Variants in MLPH observed in about 807,000 individuals in gnomAD.
MLPH encodes the protein melanophilin, also known as exophilin-3.
MLPH carries 51 observed loss-of-function variants against 72.1 expected under a neutral mutation model. The ratio of observed to expected loss-of-function variants is 0.71; its 90% CI spans 0.56 to 0.89. MLPH has a LOEUF of 0.89. Among genes scored for constraint, MLPH ranks in the 40% least tolerant of loss-of-function variants. The probability of loss-of-function intolerance (pLI) is 0.00; values close to 1 mark genes in which losing one functional copy is unlikely to be tolerated. For synonymous variants in MLPH, 301 were observed against 310.1 expected (o/e 0.97, Z 0.31); for missense variants, 743 against 759.9 (o/e 0.98, Z 0.26).
chr2:237,529,356 T>C (rs2080372301), intron 8 of MLPH, among the ~76,000 whole-genome samples: 2 of 152,224 alleles, frequency 1.3e-5, no homozygotes, highest in African/African-American at 4.8e-5. Context: ...TAGCAGGCTT[T>C]ATATAGGCAT....
In MLPH at chr2:237,545,406, C is replaced by T. The variant is rs1025627291; in HGVS notation, c.1540-1200C>T. 26 of 1,265,294 alleles carry T rather than the reference C, an allele frequency of 2.1e-5. No homozygotes were observed. In the African/African-American group the frequency reaches 3.4e-4, roughly 17 times the overall value. 78.4% of individuals were successfully genotyped at this position (1,265,294 alleles called of 1,614,324 possible). A position where few individuals can be genotyped will look rare whatever the true frequency, so the allele number is the denominator to read the frequency against. Reference sequence around the variant, plus strand: ...CTCATAGCCAGTTAGCCAGCTGTGCCTTTGTTGGGGTTCATTTTTGTTTAT... The same window carrying T: ...CTCATAGCCAGTTAGCCAGCTGTGCTTTTGTTGGGGTTCATTTTTGTTTAT... On this transcript the variant is annotated intron_variant, in intron 12 of 15. Coordinates refer to ENST00000264605, the MANE Select transcript of MLPH (RefSeq NM_024101.7).
intron 13 of MLPH, among the ~76,000 whole-genome samples, chr2:237,548,816 T>G (rs2080972288): frequency 6.6e-6 from 1 of 152,178 alleles, no homozygotes; most frequent in African/African-American, 2.4e-5. Flanking sequence ...GAGGCGGAGC[T>G]TGCAGTGAGC....
intron 4 of MLPH, among the ~76,000 whole-genome samples, chr2:237,514,098 C>G (rs75445491): frequency 0.026 from 3,883 of 152,198 alleles, 71 homozygotes; most frequent in South Asian, 0.079. Context: ...GATTATATAA[C>G]AAGGCCGGAC....
intron 15 of MLPH, 94 bp from the exon 16 acceptor site, chr2:237,553,472 A>G: frequency 2.6e-6 from 3 of 1,159,498 alleles, no homozygotes; most frequent in Non-Finnish European, 3.8e-6. Flanking sequence ...CCATGTACAC[A>G]CCTGTGTATT....
chr2:237,511,392 G>T, intron 4 of MLPH: 1 of 401,538 alleles, frequency 2.5e-6, no homozygotes, highest in Non-Finnish European at 4.7e-6. Flanking sequence ...GGTTATAAGT[G>T]TGAGCCACTG....
Position 237,510,224 on chromosome 2 carries a change from G to A in MLPH, c.111-350G>A. 2.8e-6 allele frequency: 1 copy of A among 361,716 alleles called. No individual in the cohort carries two copies. Among genetic ancestry groups the A allele is most frequent in the South Asian group, 2.4e-5 (1 of 42,332 alleles). 22.4% of individuals were successfully genotyped at this position (361,716 alleles called of 1,614,324 possible). ...TGATCAGGAAACACCATCTGGCTTT[G>A]CCCCCAGGATTCTGTGACTGCCCTG... On this transcript the variant is annotated intron_variant, in intron 2 of 15. Transcript: ENST00000264605. The surrounding 1 kb of genome is among the most constrained non-coding windows in gnomAD (Gnocchi z 4.4).
chr2:237,526,638 G>T (rs1199325990), intron 7 of MLPH, among the ~76,000 whole-genome samples: 1 of 152,198 alleles, frequency 6.6e-6, no homozygotes, highest in Non-Finnish European at 1.5e-5. Context: ...GAGGCAGTCT[G>T]GGGGAGAGGC....
chr2:237,539,276 G>A (rs1023200951), intron 9 of MLPH, among the ~76,000 whole-genome samples: 5 of 152,316 alleles, frequency 3.3e-5, no homozygotes, highest in East Asian at 1.9e-4. Context: ...TGGTCGAACC[G>A]GAGAGCAGCG....
chr2:237,515,483 G>A (rs1041409555), intron 4 of MLPH, among the ~76,000 whole-genome samples: 5 of 152,304 alleles, frequency 3.3e-5, no homozygotes, highest in Admixed American at 6.5e-5. Context: ...CCCCAGGCCC[G>A]AGAGATGAGG....
intron 12 of MLPH, among the ~76,000 whole-genome samples, chr2:237,544,417 C>T (rs145680124): frequency 0.27 from 5,519 of 20,550 alleles, 406 homozygotes; most frequent in African/African-American, 0.5. Context: ...AGTGGTGAGT[C>T]GGGGGACAGT....
intron 2 of MLPH, among the ~76,000 whole-genome samples, chr2:237,506,280 TA>T (rs2079769882): frequency 1.3e-5 from 2 of 152,230 alleles, no homozygotes; most frequent in Non-Finnish European, 2.9e-5. Context: ...ACAGTTTTTA[TA>T]AAAAATGAGA....
intron 7 of MLPH, among the ~76,000 whole-genome samples, chr2:237,527,175 G>A (rs936079900): frequency 2.0e-5 from 3 of 152,134 alleles, no homozygotes; most frequent in Non-Finnish European, 4.4e-5. Context: ...GCCAGGCAAG[G>A]TCCTCTTTTT....
At chr2:237,547,705 C>T (rs73999107) in intron 13 of MLPH, among the ~76,000 whole-genome samples, 9,206 of 97,912 alleles carry the variant, frequency 0.094, 159 homozygotes, top group African/African-American at 0.21. Context: ...AGGAGCTCCC[C>T]GTGTTTAGGT....
chr2:237,494,774 A>C (rs1370430397), intron 2 of MLPH, among the ~76,000 whole-genome samples: 1 of 152,216 alleles, frequency 6.6e-6, no homozygotes, highest in Non-Finnish European at 1.5e-5. Flanking sequence ...TGTTGGATAC[A>C]TACACTAGTC....
intron 14 of MLPH, among the ~76,000 whole-genome samples, chr2:237,551,602 T>C (rs56798455): frequency 0.051 from 7,695 of 152,242 alleles, 637 homozygotes; most frequent in African/African-American, 0.17. Flanking sequence ...TGCCCCCAGC[T>C]ACACAGCCAT....
At chr2:237,514,403 TA>T (rs1481590223) in intron 4 of MLPH, among the ~76,000 whole-genome samples, 1 of 152,188 alleles carries the variant, frequency 6.6e-6, no homozygotes, top group Non-Finnish European at 1.5e-5. Flanking sequence ...CCCAGCCAGA[TA>T]ATTTCTTTAT....
chr2:237,524,286 G>A (rs2080253060), intron 6 of MLPH, among the ~76,000 whole-genome samples: 1 of 131,164 alleles, frequency 7.6e-6, no homozygotes, highest in South Asian at 2.3e-4. Flanking sequence ...TTTTCTTAGA[G>A]GGACAGAACT....
Position 237,510,489 on chromosome 2 carries a change from G to C in MLPH, c.111-85G>C, listed in dbSNP as rs531072402. 10 of 1,167,694 alleles carry C rather than the reference G, an allele frequency of 8.6e-6. No individual in the cohort carries two copies. The East Asian group carries it at 9.9e-5, about 12-fold the overall frequency. 72.3% of individuals were successfully genotyped at this position (1,167,694 alleles called of 1,614,324 possible). On this transcript the variant is annotated intron_variant, in intron 2 of 15. Transcript: ENST00000264605. The surrounding 1 kb of genome is among the most constrained non-coding windows in gnomAD (Gnocchi z 4.4). ...TGTGTGTATGTGTCTGTGTCTGTGT[G>C]TGTGTGTATGTACGTGTACACACTT...
At position 237,547,693 on chromosome 2, in the gene MLPH, G is replaced by A. The variant is rs556157850; in HGVS notation, c.1617+1010G>A. Among the ~76,000 whole-genome samples, 827 of 100,032 alleles carry A rather than the reference G, an allele frequency of 8.3e-3. 6 individuals carry two copies. The highest frequency in any genetic ancestry group is 0.035 in the African/African-American group (752 of 21,250). The allele number at this position is 100,032 out of a possible 152,430, so 65.6% of individuals were successfully genotyped here. A position where few individuals can be genotyped will look rare whatever the true frequency, so the allele number is the denominator to read the frequency against. ...ACAGAGGGCAGAGCCAGCCTGGGAG[G>A]GAGGAGCTCCCCGTGTTTAGGTGGA... is the stretch of plus-strand genomic sequence containing the variant. On this transcript the variant is annotated intron_variant, in intron 13 of 15. Transcript: ENST00000264605.
Sources: gnomAD v4.1 joint callset for allele counts (sites outside exome capture counted in the v4.1 genomes callset) on GRCh38, gnomAD v4.1.1 for gene constraint, Gnocchi (gnomAD v3.1) non-coding constraint, MANE v1.5 for transcripts, NCBI Gene and HGNC (gene_info 2026-07-23, HGNC 2026-07-21) for gene names.